The following GPR39 variants were observed in gnomAD, a reference collection of about 807,000 sequenced individuals.
GPR39 encodes the protein G protein-coupled receptor 39.
A neutral mutation model predicts 18.4 loss-of-function variants in GPR39; 23 were observed. The ratio of observed to expected loss-of-function variants is 1.25; its 90% CI spans 0.90 to 1.77. The LOEUF (loss-of-function observed/expected upper bound fraction) is 1.77, where lower values mean the gene tolerates loss of function less well. Among genes scored for constraint, GPR39 ranks in the 40% most tolerant of loss-of-function variants. GPR39 has a pLI of 0.00. For synonymous variants in GPR39, 280 were observed against 257.9 expected (o/e 1.09, Z -0.82); for missense variants, 647 against 602.4 (o/e 1.07, Z -0.78).
chr2:132,550,414 T>C (rs572287364), intron 1 of GPR39, among the ~76,000 whole-genome samples: 1 of 152,262 alleles, frequency 6.6e-6, no homozygotes, highest in South Asian at 2.1e-4. Flanking sequence ...AAAACACACT[T>C]GCACTCTGTG....
chr2:132,475,010 C>A (rs1463586151), intron 1 of GPR39, among the ~76,000 whole-genome samples: 4 of 152,244 alleles, frequency 2.6e-5, no homozygotes, highest in Middle Eastern at 3.4e-3. Context: ...GCCTTCTGAC[C>A]CCTTCTTCAG....
chr2:132,639,852 C>T (rs928582152), intron 1 of GPR39, among the ~76,000 whole-genome samples: 3 of 152,098 alleles, frequency 2.0e-5, no homozygotes, highest in Non-Finnish European at 4.4e-5. Context: ...TATAGACATG[C>T]CACTTGCTGC....
At chr2:132,490,788 A>T (rs951076932) in intron 1 of GPR39, among the ~76,000 whole-genome samples, 1 of 150,082 alleles carries the variant, frequency 6.7e-6, no homozygotes, top group Non-Finnish European at 1.5e-5. Context: ...TCAGCCAAAG[A>T]GGAGCCTCCA....
At chr2:132,529,358 G>C (rs1159066272) in intron 1 of GPR39, among the ~76,000 whole-genome samples, 1 of 152,242 alleles carries the variant, frequency 6.6e-6, no homozygotes, top group African/African-American at 2.4e-5. Context: ...TGGCCAGGAA[G>C]CTCGAACTGG....
chr2:132,473,435 G>A (rs1681068679), intron 1 of GPR39, among the ~76,000 whole-genome samples: 1 of 152,114 alleles, frequency 6.6e-6, no homozygotes, highest in South Asian at 2.1e-4. Context: ...AGGCAATCAA[G>A]TTCCTTGAGG....
At chr2:132,438,601 A>AT (rs1432426108) in intron 1 of GPR39, among the ~76,000 whole-genome samples, 9 of 62,304 alleles carry the variant, frequency 1.4e-4, no homozygotes, top group Middle Eastern at 9.8e-3. Context: ...TTTTTTTTAC[A>AT]TTTTTTTGAG....
chr2:132,574,119 CTGTATTTAAACA>C (rs1680488706), intron 1 of GPR39, among the ~76,000 whole-genome samples: 1 of 152,162 alleles, frequency 6.6e-6, no homozygotes, highest in Non-Finnish European at 1.5e-5. Context: ...ATATACCATG[CTGTATTTAAACA>C]TTTCTCACTC....
chr2:132,603,936 G>A (rs894533299), intron 1 of GPR39, among the ~76,000 whole-genome samples: 1 of 152,120 alleles, frequency 6.6e-6, no homozygotes, highest in African/African-American at 2.4e-5. Flanking sequence ...GGGAGTGGGA[G>A]GGACAGGAAA....
chr2:132,465,188 CAAAA>C (rs929177880), intron 1 of GPR39, among the ~76,000 whole-genome samples: 2 of 145,446 alleles, frequency 1.4e-5, no homozygotes, highest in African/African-American at 5.0e-5. Context: ...AAAACAAAAG[CAAAA>C]AAAAAAGAAA....
intron 1 of GPR39, among the ~76,000 whole-genome samples, chr2:132,614,380 T>C (rs901863209): frequency 6.6e-6 from 1 of 151,442 alleles, no homozygotes; most frequent in African/African-American, 2.4e-5. Context: ...CTAATTTTTG[T>C]ATTTTTAGTA....
chr2:132,628,886 C>T (rs572373346), intron 1 of GPR39, among the ~76,000 whole-genome samples: 12 of 152,238 alleles, frequency 7.9e-5, no homozygotes, highest in African/African-American at 2.9e-4. Context: ...CATATTGAGT[C>T]CCTACTCTGC....
intron 1 of GPR39, among the ~76,000 whole-genome samples, chr2:132,455,930 T>C (rs1284749588): frequency 6.6e-6 from 1 of 151,938 alleles, no homozygotes; most frequent in Non-Finnish European, 1.5e-5. Context: ...AAGTGTGATG[T>C]GGTGCTGAGA....
intron 1 of GPR39, among the ~76,000 whole-genome samples, chr2:132,580,118 C>A (rs995717832): frequency 6.6e-6 from 1 of 152,218 alleles, no homozygotes; most frequent in African/African-American, 2.4e-5. Flanking sequence ...TTCCTAGTTA[C>A]ACTTGTTACC....
At chr2:132,588,257 T>A (rs62169694) in intron 1 of GPR39, among the ~76,000 whole-genome samples, 2,430 of 152,332 alleles carry the variant, frequency 0.016, 29 homozygotes, top group Middle Eastern at 0.041. Context: ...GGAGGTTCTC[T>A]TCGCACTTGC....
rs571694013 is a variant in GPR39, at chr2:132,515,370, G to C, written c.856+97472G>C. ...CTGGGACATTGTCTTTTTCACCACT[G>C]TATCCCCTGCAGCTAAAACAGGGCC... On this transcript the variant is annotated intron_variant, in intron 1 of 1. Coordinates refer to ENST00000329321, the MANE Select transcript of GPR39 (RefSeq NM_001508.3). 1.5e-3 allele frequency among the ~76,000 whole-genome samples: 227 copies of C among 152,226 alleles called. 1 individual carries two copies. The highest frequency in any genetic ancestry group is 6.8e-3 in the Middle Eastern group (2 of 294).
At chr2:132,458,916 C>T (rs1267545999) in intron 1 of GPR39, among the ~76,000 whole-genome samples, 2 of 152,176 alleles carry the variant, frequency 1.3e-5, no homozygotes, top group South Asian at 2.1e-4. Flanking sequence ...GCATATATGA[C>T]ATATCTGTGT....
intron 1 of GPR39, among the ~76,000 whole-genome samples, chr2:132,438,162 T>C (rs1277742913): frequency 1.3e-5 from 2 of 152,218 alleles, no homozygotes; most frequent in Non-Finnish European, 2.9e-5. Context: ...GGAAGGATCA[T>C]GGGTCACTTA....
At chr2:132,431,008 G>T (rs1257854909) in intron 1 of GPR39, among the ~76,000 whole-genome samples, 1 of 152,100 alleles carries the variant, frequency 6.6e-6, no homozygotes, top group Non-Finnish European at 1.5e-5. Flanking sequence ...GTTTAGAGGG[G>T]TGGGGAGGAG....
chr2:132,616,674 A>G (rs768554728), intron 1 of GPR39, among the ~76,000 whole-genome samples: 12 of 152,136 alleles, frequency 7.9e-5, no homozygotes, highest in Non-Finnish European at 1.6e-4. Flanking sequence ...TATGTAGGTC[A>G]ACTCCTGATC....
Sources: allele counts gnomAD v4.1 joint callset (sites outside exome capture counted in the v4.1 genomes callset), GRCh38; gene constraint gnomAD v4.1.1; transcripts MANE v1.5; gene names NCBI Gene and HGNC (gene_info 2026-07-23, HGNC 2026-07-21).